Variants in IQGAP3 observed in about 807,000 individuals in gnomAD.
The protein encoded by IQGAP3 is ras GTPase-activating-like protein IQGAP3.
Under a neutral mutation model 208.2 loss-of-function variants are expected in IQGAP3, and 165 were observed. The ratio of observed to expected loss-of-function variants is 0.79; its 90% CI spans 0.70 to 0.90. The LOEUF is 0.90. Ranked by LOEUF, IQGAP3 falls within the 40% of genes least tolerant of loss-of-function variation. The pLI is 0.00. For synonymous variants in IQGAP3, 703 were observed against 803.6 expected (o/e 0.87, Z 2.12); for missense variants, 1,811 against 2,043.1 (o/e 0.89, Z 2.19).
rs759374479 is a variant in IQGAP3 at position 156,566,349 on chromosome 1, T to A, written c.282+41A>T. The stretch of plus-strand genomic sequence containing the variant: ...CACAGCTTTGAGGAGAAAGCATAGT[T>A]TGAGGGGACGAAGGTAGAAGGTGGG... On this transcript the variant is annotated intron_variant, in intron 3 of 37. Transcript: ENST00000361170. 3.1e-6 allele frequency: 5 copies of A among 1,600,954 alleles called. No homozygotes were observed. In the East Asian group the frequency reaches 8.9e-5, roughly 29 times the overall value.
At chr1:156,567,741 G>A (rs1371257616) in intron 2 of IQGAP3, among the ~76,000 whole-genome samples, 1 of 152,108 alleles carries the variant, frequency 6.6e-6, no homozygotes, top group African/African-American at 2.4e-5. Flanking sequence ...AAAGAATCCT[G>A]TTGATTAAAA....
At position 156,566,302 on chromosome 1, in the gene IQGAP3, A is replaced by G. The variant is rs975032261; in HGVS notation, c.282+88T>C. 1.7e-5 allele frequency: 23 copies of G among 1,392,342 alleles called. No individual in the cohort carries two copies. In the African/African-American group the frequency reaches 3.0e-4, roughly 18 times the overall value. The allele number at this position is 1,392,342 out of a possible 1,614,324, so 86.2% of individuals were successfully genotyped here. A position where few individuals can be genotyped will look rare whatever the true frequency, so the allele number is the denominator to read the frequency against. ...CCCTTTTATCCAGATTTGGACAATA[A>G]GTTATATGGTCACTCTACCCTCACA... On this transcript the variant is annotated intron_variant, in intron 3 of 37. Coordinates refer to ENST00000361170, the MANE Select transcript of IQGAP3 (RefSeq NM_178229.5).
rs1553221887 is a variant in IQGAP3, at chr1:156,529,928, A to AAAAAAG, written c.4404+176_4404+177insCTTTTT. ...AGTGAGACTGTCTCAAAAAAAAAAA[A>AAAAAAG]AAAAAAGAAAAAAAAATCTTTCCTT... is the stretch of plus-strand genomic sequence containing the variant. On this transcript the variant is annotated intron_variant, in intron 34 of 37. Transcript: ENST00000361170. Among the ~76,000 whole-genome samples, 1,307 of 150,228 alleles carry AAAAAAG rather than the reference A, an allele frequency of 8.7e-3. 38 individuals carry two copies. Among genetic ancestry groups the AAAAAAG allele is most frequent in the African/African-American group, 0.031 (1,249 of 39,982 alleles).
Position 156,561,989 on chromosome 1 carries a change from A to G in IQGAP3, c.890T>C (p.Leu297Pro), listed in dbSNP as rs1557944023. 2 of 1,612,064 alleles carry G rather than the reference A, an allele frequency of 1.2e-6. No individual in the cohort carries two copies. The highest frequency in any genetic ancestry group is 2.7e-5 in the African/African-American group (2 of 74,718). Reference protein sequence around the residue: ...NINHVNVHGALEVVDDALERQ... With the variant: ...NINHVNVHGAPEVVDDALERQ... Reference sequence around the variant, plus strand: ...TTCCAGGGCATCATCAACAACTTCTAGAGCCCCATGGACTGAAAAAAAATG... The same window carrying G: ...TTCCAGGGCATCATCAACAACTTCTGGAGCCCCATGGACTGAAAAAAAATG... The change falls in exon 10 of 38, where the codon CTA (leucine) becomes CCA (proline). Residue 297 changes from leucine (L) to proline (P), a missense_variant. Leu to Pro is a moderately conservative substitution (Grantham distance 98, BLOSUM62 -3). Coordinates refer to ENST00000361170, the MANE Select transcript of IQGAP3 (RefSeq NM_178229.5).
intron 1 of IQGAP3, 125 bp downstream of exon 1, chr1:156,572,368 G>A: frequency 9.7e-7 from 1 of 1,033,770 alleles, no homozygotes; most frequent in Non-Finnish European, 1.5e-6. Flanking sequence ...GTCCCACTGA[G>A]CAGTCCCACC....
intron 2 of IQGAP3, among the ~76,000 whole-genome samples, chr1:156,568,664 G>A (rs539421262): frequency 1.3e-5 from 2 of 152,158 alleles, no homozygotes; most frequent in South Asian, 2.1e-4. Context: ...CTGGGACTAT[G>A]GGCACACGCC....
intron 11 of IQGAP3, among the ~76,000 whole-genome samples, chr1:156,560,459 C>T (rs1051449273): frequency 6.6e-6 from 1 of 152,084 alleles, no homozygotes; most frequent in Non-Finnish European, 1.5e-5. Flanking sequence ...TGCAGTGAGC[C>T]GAGATTGTGC....
In IQGAP3 at chr1:156,528,625, G is replaced by T; in HGVS notation, c.4572-15C>A. ...TCCCAGAACTCCTGATTAAAAGAAG[G>T]CCCCAGAGAATTCATCCAATAAACA... On this transcript the variant is annotated splice_polypyrimidine_tract_variant and intron_variant, in intron 35 of 37. Transcript: ENST00000361170. 6.9e-6 allele frequency: 11 copies of T among 1,588,632 alleles called. No homozygotes were observed. Among genetic ancestry groups the T allele is most frequent in the South Asian group, 1.1e-5 (1 of 90,090 alleles).
intron 15 of IQGAP3, 121 bp downstream of exon 15, chr1:156,551,584 T>A: frequency 9.4e-7 from 1 of 1,061,998 alleles, no homozygotes; most frequent in Non-Finnish European, 1.3e-6. Flanking sequence ...AACACCCCCC[T>A]CACCCCCACC....
At chr1:156,561,365 C>T (rs1163732325) in intron 10 of IQGAP3, among the ~76,000 whole-genome samples, 1 of 152,124 alleles carries the variant, frequency 6.6e-6, no homozygotes, top group Non-Finnish European at 1.5e-5. Context: ...CAGGGTTTCA[C>T]TATATTGGCC....
intron 3 of IQGAP3, 102 bp from the exon 4 acceptor site, chr1:156,566,206 G>C (rs963801870): frequency 8.0e-7 from 1 of 1,245,948 alleles, no homozygotes; most frequent in Admixed American, 1.8e-5. Flanking sequence ...ATGGGCAGAG[G>C]GGAACCAGAG....
intron 22 of IQGAP3, among the ~76,000 whole-genome samples, chr1:156,542,895 C>T (rs1415574941): frequency 6.6e-6 from 1 of 151,958 alleles, no homozygotes; most frequent in African/African-American, 2.4e-5. Context: ...GAGCCGTGAT[C>T]ATGCCACTGC....
intron 13 of IQGAP3, 71 bp from the exon 14 acceptor site, chr1:156,552,166 T>A: frequency 6.4e-7 from 1 of 1,565,678 alleles, no homozygotes; most frequent in Non-Finnish European, 8.7e-7. Flanking sequence ...GGGAAACAGT[T>A]GAACGATTTT....
chr1:156,550,427 G>T, intron 15 of IQGAP3, 76 bp from the exon 16 acceptor site: 1 of 1,068,714 alleles, frequency 9.4e-7, no homozygotes, highest in East Asian at 2.5e-5. Flanking sequence ...GATGCCCAAG[G>T]GAACCAAACT....
At chr1:156,554,473 C>T in intron 12 of IQGAP3, 81 bp from the exon 13 acceptor site, 3 of 1,366,678 alleles carry the variant, frequency 2.2e-6, no homozygotes, top group Non-Finnish European at 2.9e-6. Flanking sequence ...CCCCAAGGTT[C>T]TTGAATATCC....
At chr1:156,533,566 G>A (rs1674527103) in intron 31 of IQGAP3, among the ~76,000 whole-genome samples, 2 of 152,140 alleles carry the variant, frequency 1.3e-5, no homozygotes, top group South Asian at 4.1e-4. Context: ...TTTCCATGAT[G>A]ATCGTGGGTC....
At chr1:156,534,834 AC>A in intron 28 of IQGAP3, 101 bp from the exon 29 acceptor site, 1 of 872,684 alleles carries the variant, frequency 1.1e-6, no homozygotes, top group Non-Finnish European at 1.7e-6. Flanking sequence ...ACCTGGGCCA[AC>A]CCCCTCACTT....
chr1:156,570,803 C>T (rs1676613618), intron 1 of IQGAP3, among the ~76,000 whole-genome samples: 1 of 152,174 alleles, frequency 6.6e-6, no homozygotes, highest in South Asian at 2.1e-4. Context: ...AACCACAGCG[C>T]CCAAAGATTA....
chr1:156,534,047 C>G lies in IQGAP3; in HGVS notation c.3835G>C (p.Val1279Leu). ...ACCAGCTCCCCCACGGTGATGTACACCATGGGTTTGGCCACAGCCACCATG... is the reference window on the plus strand; with the variant it reads ...ACCAGCTCCCCCACGGTGATGTACAGCATGGGTTTGGCCACAGCCACCATG... ...SDMVAVAKPM[V>L]YITVGELVNT... is the part of the protein sequence containing the mutation. Residue 1279 changes from valine (V) to leucine (L), a missense_variant, in exon 30 of 38, where the codon GTG (valine) becomes CTG (leucine). Coordinates refer to ENST00000361170, the MANE Select transcript of IQGAP3 (RefSeq NM_178229.5). The G allele has an allele frequency of 6.2e-7, 1 of 1,614,044 alleles. No individual in the cohort carries two copies. Among genetic ancestry groups the G allele is most frequent in the Non-Finnish European group, 8.5e-7 (1 of 1,180,032 alleles).
Sources: gnomAD v4.1 joint callset for allele counts (sites outside exome capture counted in the v4.1 genomes callset) on GRCh38, gnomAD v4.1.1 for gene constraint, MANE v1.5 for transcripts, NCBI Gene and HGNC (gene_info 2026-07-23, HGNC 2026-07-21) for gene names.